The following PCBD2 variants were observed in gnomAD, a reference collection of about 807,000 sequenced individuals.
PCBD2 encodes pterin-4-alpha-carbinolamine dehydratase 2.
In PCBD2, 12 loss-of-function variants were observed where a neutral mutation model predicts 16.4. The observed-to-expected ratio is 0.73, with a 90% confidence interval of 0.47 to 1.19. The LOEUF (loss-of-function observed/expected upper bound fraction) is 1.19. Among genes scored for constraint, PCBD2 ranks in the 50% most tolerant of loss-of-function variants. The probability of loss-of-function intolerance (pLI) is 0.00; values close to 1 mark genes in which losing one functional copy is unlikely to be tolerated. For missense variants in PCBD2, 138 were observed against 156.8 expected, an observed-to-expected ratio of 0.88 and a Z score of 0.64; for synonymous variants, 58 against 61.8, an observed-to-expected ratio of 0.94 and a Z score of 0.29.
intron 2 of PCBD2, among the ~76,000 whole-genome samples, chr5:134,953,375 A>G (rs1751379951): frequency 6.7e-6 from 1 of 149,030 alleles, no homozygotes; most frequent in Non-Finnish European, 1.5e-5. Flanking sequence ...ATAATATAGT[A>G]TATCGTATAT....
intron 2 of PCBD2, among the ~76,000 whole-genome samples, chr5:134,918,855 G>A (rs950640103): frequency 1.1e-4 from 16 of 152,186 alleles, no homozygotes; most frequent in African/African-American, 3.9e-4. Context: ...TGTCAGTGTT[G>A]GCGTCCACCA....
At chr5:134,948,719 CTTT>C (rs11355696) in intron 2 of PCBD2, among the ~76,000 whole-genome samples, 10 of 142,292 alleles carry the variant, frequency 7.0e-5, no homozygotes, top group African/African-American at 7.8e-5. Context: ...TGACTTGAAG[CTTT>C]TTTTTTTTTT....
intron 2 of PCBD2, among the ~76,000 whole-genome samples, chr5:134,914,498 G>A (rs967920499): frequency 6.6e-6 from 1 of 152,056 alleles, no homozygotes; most frequent in African/African-American, 2.4e-5. Context: ...AGTAGATGCA[G>A]AGTTGGGCTT....
At chr5:134,937,982 CTT>C (rs1751180669) in intron 2 of PCBD2, among the ~76,000 whole-genome samples, 1 of 152,094 alleles carries the variant, frequency 6.6e-6, no homozygotes, top group South Asian at 2.1e-4. Flanking sequence ...GAAACTGTGT[CTT>C]GAAATTAGTC....
intron 1 of PCBD2, chr5:134,905,481 CAA>C (rs1750675221): frequency 2.9e-6 from 1 of 349,590 alleles, no homozygotes; most frequent in South Asian, 1.5e-4. Context: ...CAACCGGAAA[CAA>C]ATGGGAACGA....
intron 2 of PCBD2, among the ~76,000 whole-genome samples, chr5:134,954,847 T>C (rs186729340): frequency 3.8e-4 from 58 of 152,156 alleles, no homozygotes; most frequent in African/African-American, 1.4e-3. Context: ...GTTCCAGTGA[T>C]TCTCCTGCCT....
chr5:134,907,757 G>A (rs964824045), intron 1 of PCBD2, among the ~76,000 whole-genome samples: 3 of 148,284 alleles, frequency 2.0e-5, no homozygotes, highest in Admixed American at 6.7e-5. Flanking sequence ...TGAGTAGCAG[G>A]GACTACAGGC....
chr5:134,960,720 A>C lies in PCBD2; in HGVS notation c.*39A>C. ...ACATGTAAAATCTTGTACACATCTT[A>C]GCTGCAATGTATGTTGAAGGAAATT... On this transcript the variant is annotated 3_prime_UTR_variant, in exon 4 of 4. Transcript: ENST00000254908. The C allele has an allele frequency of 6.9e-7, 1 of 1,458,698 alleles. No individual in the cohort carries two copies. The highest frequency in any genetic ancestry group is 9.6e-7 in the Non-Finnish European group (1 of 1,044,422). The allele number at this position is 1,458,698 out of a possible 1,614,324, so 90.4% of individuals were successfully genotyped here. A position where few individuals can be genotyped will look rare whatever the true frequency, so the allele number is the denominator to read the frequency against.
chr5:134,936,180 T>C (rs1377162398), intron 2 of PCBD2, among the ~76,000 whole-genome samples: 3 of 152,242 alleles, frequency 2.0e-5, no homozygotes, highest in Non-Finnish European at 4.4e-5. Context: ...TTTTGTGTAC[T>C]TAGGATCAGT....
Position 134,960,503 on chromosome 5 carries a change from AAT to A in PCBD2, c.298-81_298-80del, listed in dbSNP as rs1303751349. ...TAATTCTCAAATATGAATGTTGAAT[AAT>A]AGACTGATTTCTGAACTGCCAAAGG... On this transcript the variant is annotated intron_variant, in intron 3 of 3. Coordinates refer to ENST00000254908, the MANE Select transcript of PCBD2 (RefSeq NM_032151.5). 4 of 917,946 alleles carry A rather than the reference AAT, an allele frequency of 4.4e-6. No homozygotes were observed. The East Asian group carries it at 1.0e-4, about 23-fold the overall frequency. The allele number at this position is 917,946 out of a possible 1,614,324, so 56.9% of individuals were successfully genotyped here.
chr5:134,929,895 A>G (rs1408238616), intron 2 of PCBD2, among the ~76,000 whole-genome samples: 1 of 152,122 alleles, frequency 6.6e-6, no homozygotes, highest in Non-Finnish European at 1.5e-5. Flanking sequence ...AGGTCTCGCT[A>G]TGTTGCCTAA....
intron 2 of PCBD2, among the ~76,000 whole-genome samples, chr5:134,956,548 TGTGG>T (rs1751417523): frequency 6.6e-6 from 1 of 152,224 alleles, no homozygotes; most frequent in Non-Finnish European, 1.5e-5. Context: ...TCAAAGAAAT[TGTGG>T]CCACAGGGTG....
intron 2 of PCBD2, among the ~76,000 whole-genome samples, chr5:134,942,130 CAAAAAAAAAAA>C (rs397882223): frequency 1.2e-5 from 1 of 82,288 alleles, no homozygotes; most frequent in Admixed American, 1.5e-4. Flanking sequence ...GGCTCTGTCT[CAAAAAAAAAAA>C]AAAAAAAAAG....
At chr5:134,920,482 G>A (rs1750889444) in intron 2 of PCBD2, among the ~76,000 whole-genome samples, 1 of 152,226 alleles carries the variant, frequency 6.6e-6, no homozygotes, top group Non-Finnish European at 1.5e-5. Flanking sequence ...CAGAGGAAGG[G>A]AATATTCGCC....
intron 2 of PCBD2, among the ~76,000 whole-genome samples, chr5:134,940,021 T>C (rs1751207027): frequency 6.6e-6 from 1 of 151,924 alleles, no homozygotes; most frequent in African/African-American, 2.4e-5. Flanking sequence ...CTATCATTGG[T>C]CCACCCACTT....
chr5:134,916,522 A>C (rs1045524522), intron 2 of PCBD2, among the ~76,000 whole-genome samples: 1 of 152,172 alleles, frequency 6.6e-6, no homozygotes, highest in South Asian at 2.1e-4. Context: ...AAAATGAACT[A>C]TTTTGGAAAT....
chr5:134,925,187 G>C, intron 2 of PCBD2: 1 of 398,342 alleles, frequency 2.5e-6, no homozygotes, highest in Non-Finnish European at 4.4e-6. Context: ...AGAATTATTC[G>C]AGTGCTATAG....
chr5:134,933,653 G>A (rs1034796783), intron 2 of PCBD2, among the ~76,000 whole-genome samples: 13 of 152,256 alleles, frequency 8.5e-5, no homozygotes, highest in African/African-American at 2.9e-4. Flanking sequence ...GGCTTTGTGA[G>A]CCCACCTTTT....
chr5:134,927,376 C>T (rs1016240792), intron 2 of PCBD2: 22 of 398,338 alleles, frequency 5.5e-5, no homozygotes, highest in African/African-American at 3.7e-4. Flanking sequence ...GGGGCTTCGA[C>T]ATGGGCTTTA....
Sources: gnomAD v4.1 joint callset for allele counts (sites outside exome capture counted in the v4.1 genomes callset) on GRCh38, gnomAD v4.1.1 for gene constraint, MANE v1.5 for transcripts, NCBI Gene and HGNC (gene_info 2026-07-23, HGNC 2026-07-21) for gene names.